Variants in ETAA1 observed in about 807,000 individuals in gnomAD.
The protein encoded by ETAA1 is ETAA1 activator of ATR kinase.
ETAA1 carries 49 observed loss-of-function variants against 76.8 expected under a neutral mutation model. The ratio of observed to expected loss-of-function variants is 0.64; its 90% CI spans 0.51 to 0.81. The LOEUF is 0.81. Ranked by LOEUF, ETAA1 falls within the 30% of genes least tolerant of loss-of-function variation. The pLI is 0.00. For missense variants in ETAA1, 1,099 were observed against 1,074.0 expected (o/e 1.02, Z -0.32); for synonymous variants, 373 against 372.2 (o/e 1.00, Z -0.03).
rs918039602 is a variant in ETAA1 at position 67,400,664 on chromosome 2, G to A, written c.429+1038G>A. Reference sequence around the variant, plus strand: ...ACATTTAAATCCAGAGAACATTTTTGCTTAGTGTCTTCTCTGAAGGAAGTA... The same window carrying A: ...ACATTTAAATCCAGAGAACATTTTTACTTAGTGTCTTCTCTGAAGGAAGTA... On this transcript the variant is annotated intron_variant, in intron 3 of 5. Transcript: ENST00000272342. 3.9e-5 allele frequency: 6 copies of A among 152,008 alleles called. 1 individual carries two copies. In the South Asian group the frequency reaches 1.0e-3, roughly 26 times the overall value. The allele number at this position is 152,008 out of a possible 1,614,324, so 9.4% of individuals were successfully genotyped here.
At chr2:67,398,306 C>CTTTTT (rs57636211) in intron 1 of ETAA1, among the ~76,000 whole-genome samples, 1 of 85,382 alleles carries the variant, frequency 1.2e-5, no homozygotes, top group Non-Finnish European at 2.4e-5. Context: ...TGAAATAGTG[C>CTTTTT]TTTTTTTTTT....
intron 5 of ETAA1, among the ~76,000 whole-genome samples, chr2:67,407,327 A>G (rs890761541): frequency 5.9e-5 from 9 of 152,058 alleles, no homozygotes; most frequent in African/African-American, 2.2e-4. Context: ...GCTGCATTCA[A>G]AGCCATCCTG....
chr2:67,410,161 A>T lies in ETAA1; in HGVS notation c.*123A>T, dbSNP rs919278089. On this transcript the variant is annotated 3_prime_UTR_variant, in exon 6 of 6. Transcript: ENST00000272342. ...TGACTTTTATAAAGCCTGGACTTCT[A>T]CTTTATTTAATAAATCAATGTTTGC... 10 of 843,442 alleles carry T rather than the reference A, an allele frequency of 1.2e-5. No homozygotes were observed. Among genetic ancestry groups the T allele is most frequent in the Non-Finnish European group, 1.9e-5 (10 of 530,422 alleles). 52.2% of individuals were successfully genotyped at this position (843,442 alleles called of 1,614,324 possible). A position where few individuals can be genotyped will look rare whatever the true frequency, so the allele number is the denominator to read the frequency against.
chr2:67,402,872 C>A lies in ETAA1; in HGVS notation c.440C>A (p.Pro147Gln), dbSNP rs1676094403. 1 of 1,585,640 alleles carries A rather than the reference C, an allele frequency of 6.3e-7. No individual in the cohort carries two copies. The highest frequency in any genetic ancestry group is 1.4e-5 in the African/African-American group (1 of 72,938). ...CCCTATCTGCCAAAGGATGAAAAACCAACAACAAATTCTATGCTGGACATG... is the reference window on the plus strand; with the variant it reads ...CCCTATCTGCCAAAGGATGAAAAACAAACAACAAATTCTATGCTGGACATG... Reference protein sequence around the residue: ...VNRIAPQDEKPTTNSMLDMWI... With the variant: ...VNRIAPQDEKQTTNSMLDMWI... The change falls in exon 4 of 6, where the codon CCA becomes CAA. Residue 147 changes from proline (P) to glutamine (Q), a missense_variant. This residue lies in a region of ETAA1 where 761 missense variants were observed against 731.9 expected (regional missense o/e 1.04). Transcript: ENST00000272342.
At chr2:67,409,856 AT>A in intron 5 of ETAA1, 54 bp from the exon 6 acceptor site, 1 of 1,519,196 alleles carries the variant, frequency 6.6e-7, no homozygotes, top group South Asian at 1.3e-5. Context: ...TAAAGCACAT[AT>A]TGAATGACTT....
intron 1 of ETAA1, 61 bp from the exon 2 acceptor site, chr2:67,399,108 T>G: frequency 6.7e-7 from 1 of 1,492,436 alleles, no homozygotes; most frequent in Non-Finnish European, 9.1e-7. Context: ...CCTTGGGGTC[T>G]TACGAAGTAA....
At chr2:67,400,260 T>C (rs903089619) in intron 3 of ETAA1, 1 of 152,190 alleles carries the variant, frequency 6.6e-6, no homozygotes, top group African/African-American at 2.4e-5. Flanking sequence ...TTGTAAACTA[T>C]AGAGTGCTAT....
rs1676155891 is a variant in ETAA1, at chr2:67,404,706, G to A, written c.2024G>A (p.Gly675Glu). Reference sequence around the variant, plus strand: ...GAGATCAATAATAATTCCGAACATGGAGCCAAAAACATGTTTGCTATATCT... The same window carrying A: ...GAGATCAATAATAATTCCGAACATGAAGCCAAAAACATGTTTGCTATATCT... Reference protein sequence around the residue: ...ICEINNNSEHGAKNMFAISKQ... With the variant: ...ICEINNNSEHEAKNMFAISKQ... Residue 675 changes from glycine to glutamate, a missense_variant, in exon 5 of 6, where the codon GGA becomes GAA. By Grantham distance (98) the Gly-to-Glu change is moderately conservative. This residue lies in a region of ETAA1 where 36 missense variants were observed against 64.0 expected (regional missense o/e 0.56). Coordinates refer to ENST00000272342, the MANE Select transcript of ETAA1 (RefSeq NM_019002.4). The A allele has an allele frequency of 6.2e-7, 1 of 1,613,368 alleles. No individual in the cohort carries two copies. Among genetic ancestry groups the A allele is most frequent in the Non-Finnish European group, 8.5e-7 (1 of 1,179,564 alleles).
chr2:67,405,806 C>T (rs970045236), intron 5 of ETAA1, among the ~76,000 whole-genome samples: 10 of 152,028 alleles, frequency 6.6e-5, no homozygotes, highest in Non-Finnish European at 1.2e-4. Flanking sequence ...TTGATATAAA[C>T]GTGCTAGCGG....
chr2:67,401,321 G>A (rs2103744518), intron 3 of ETAA1: 1 of 152,040 alleles, frequency 6.6e-6, no homozygotes, highest in South Asian at 2.1e-4. Context: ...TTATTTTTAG[G>A]TGAGTCATTC....
intron 5 of ETAA1, among the ~76,000 whole-genome samples, chr2:67,409,391 A>G (rs1203345081): frequency 6.6e-6 from 1 of 152,010 alleles, no homozygotes; most frequent in Non-Finnish European, 1.5e-5. Context: ...TTATCACTCT[A>G]AAATATATTT....
chr2:67,403,380 A>G lies in ETAA1; in HGVS notation c.698A>G (p.Asp233Gly), dbSNP rs754763573. ...ACAGAGATTTTAAGTAATTATAAAG[A>G]TAATATACAGATGTGGTCATTACAT... ...SETEILSNYK[D>G]NIQMWSLHNI... The change falls in exon 5 of 6, where the codon GAT (aspartate) becomes GGT (glycine). Residue 233 changes from aspartate to glycine, a missense_variant. This residue lies in a region of ETAA1 where 761 missense variants were observed against 731.9 expected (regional missense o/e 1.04). Coordinates refer to ENST00000272342, the MANE Select transcript of ETAA1 (RefSeq NM_019002.4). 56 of 1,604,708 alleles carry G rather than the reference A, an allele frequency of 3.5e-5. 2 individuals carry two copies. The highest frequency in any genetic ancestry group is 1.3e-5 in the Non-Finnish European group (15 of 1,172,598).
chr2:67,400,076 G>A (rs1676010884), intron 3 of ETAA1, among the ~76,000 whole-genome samples: 1 of 152,132 alleles, frequency 6.6e-6, no homozygotes, highest in African/African-American at 2.4e-5. Flanking sequence ...ACTTACAAAA[G>A]TGGAGAGCAC....
chr2:67,408,782 G>A (rs1278447816), intron 5 of ETAA1, among the ~76,000 whole-genome samples: 1 of 152,094 alleles, frequency 6.6e-6, no homozygotes, highest in Non-Finnish European at 1.5e-5. Context: ...AGGAAGTTAT[G>A]TTTTCTGCTG....
At position 67,403,227 on chromosome 2, in the gene ETAA1, T is replaced by G. The variant is rs891242601; in HGVS notation, c.545T>G (p.Leu182Ter). ...KSRAKISCTK[L>*]KTQSQEEELM... ...TATTTTTTAATCTTGTTTAATAGGTTAAAAACACAAAGTCAAGAAGAAGAA... is the reference window on the plus strand; with the variant it reads ...TATTTTTTAATCTTGTTTAATAGGTGAAAAACACAAAGTCAAGAAGAAGAA... Residue 182 changes from leucine (L) to a stop codon, truncating the protein, a stop_gained and splice_region_variant, in exon 5 of 6, where the codon TTA becomes TGA. Coordinates refer to ENST00000272342, the MANE Select transcript of ETAA1 (RefSeq NM_019002.4). LOFTEE classifies it high-confidence loss of function. 2 of 1,542,024 alleles carry G rather than the reference T, an allele frequency of 1.3e-6. No homozygotes were observed. Among genetic ancestry groups the G allele is most frequent in the Non-Finnish European group, 1.7e-6 (2 of 1,145,238 alleles).
In ETAA1 at chr2:67,404,460, G is replaced by A; in HGVS notation, c.1778G>A (p.Cys593Tyr). 6.2e-7 allele frequency: 1 copy of A among 1,613,208 alleles called. No individual in the cohort carries two copies. Residue 593 changes from cysteine (C) to tyrosine (Y), a missense_variant, in exon 5 of 6, where the codon TGT becomes TAT. Cys to Tyr is a radical substitution (Grantham distance 194). Around this residue, in one of 3 missense-constraint regions of ETAA1, gnomAD observed 761 missense variants for 731.9 expected, o/e 1.04. Transcript: ENST00000272342. ...TTTGCCAATGAAATTATTAAAGCATGTCATCAATTAGATAATACCTGGGAA... is the reference window on the plus strand; with the variant it reads ...TTTGCCAATGAAATTATTAAAGCATATCATCAATTAGATAATACCTGGGAA... ...PSFANEIIKACHQLDNTWEAD... is the reference protein window; with the variant it reads ...PSFANEIIKAYHQLDNTWEAD...
In ETAA1 at chr2:67,405,309, C is replaced by G. The variant is rs374344287; in HGVS notation, c.2627C>G (p.Ser876Cys). 6 of 1,546,912 alleles carry G rather than the reference C, an allele frequency of 3.9e-6. No homozygotes were observed. The highest frequency in any genetic ancestry group is 1.4e-5 in the African/African-American group (1 of 72,062). The change falls in exon 5 of 6, where the codon TCT becomes TGT. Residue 876 changes from serine to cysteine, a missense_variant. Around this residue, in one of 3 missense-constraint regions of ETAA1, gnomAD observed 302 missense variants for 278.1 expected, o/e 1.09. Coordinates refer to ENST00000272342, the MANE Select transcript of ETAA1 (RefSeq NM_019002.4). ...GGACAGCAATCTTTGGTGAAACTTT[C>G]TGAATCTTTGAAACAATCTTCAAAA... ...AVGQQSLVKLSESLKQSSKEE... is the reference protein window; with the variant it reads ...AVGQQSLVKLCESLKQSSKEE...
At chr2:67,397,976 GGA>G (rs1170227225) in intron 1 of ETAA1, among the ~76,000 whole-genome samples, 9 of 152,284 alleles carry the variant, frequency 5.9e-5, no homozygotes, top group East Asian at 3.9e-4. Flanking sequence ...CAGCAGTGGT[GGA>G]GTGAGAAGAA....
In ETAA1 at chr2:67,403,410, T is replaced by C. The variant is rs149283858; in HGVS notation, c.728T>C (p.Ile243Thr). The change falls in exon 5 of 6, where the codon ATA (isoleucine) becomes ACA (threonine). Residue 243 changes from isoleucine to threonine, a missense_variant. By Grantham distance (89) the Ile-to-Thr change is moderately conservative (BLOSUM62 -1). This residue lies in a region of ETAA1 where 761 missense variants were observed against 731.9 expected (regional missense o/e 1.04). Transcript: ENST00000272342. ...DNIQMWSLHN[I>T]VPEIDNATKK... ...ATACAGATGTGGTCATTACATAATA[T>C]AGTTCCCGAAATAGATAATGCTACA... The C allele has an allele frequency of 2.7e-5, 43 of 1,608,900 alleles. No homozygotes were observed. In the African/African-American group the frequency reaches 5.2e-4, roughly 20 times the overall value.
Sources: gnomAD v4.1 joint callset for allele counts (sites outside exome capture counted in the v4.1 genomes callset) on GRCh38, gnomAD v4.1.1 for gene constraint, gnomAD v4.1.1 regional missense constraint, MANE v1.5 for transcripts, NCBI Gene and HGNC (gene_info 2026-07-23, HGNC 2026-07-21) for gene names.